The following ATOH8 variants were observed in gnomAD, a reference collection of about 807,000 sequenced individuals.
The protein encoded by ATOH8 is transcription factor ATOH8.
ATOH8 carries 9 observed loss-of-function variants against 21.2 expected under a neutral mutation model. The observed-to-expected ratio is 0.42, with a 90% CI of 0.26 to 0.74. ATOH8 has a LOEUF of 0.74. Among genes scored for constraint, ATOH8 ranks in the 30% least tolerant of loss-of-function variants. The probability of loss-of-function intolerance (pLI) is 0.24; values close to 1 mark genes in which losing one functional copy is unlikely to be tolerated. For missense variants in ATOH8, 524 were observed against 470.9 expected (o/e 1.11, Z -1.04); for synonymous variants, 253 against 224.0 (o/e 1.13, Z -1.16).
intron 1 of ATOH8, among the ~76,000 whole-genome samples, chr2:85,755,651 G>A (rs899117742): frequency 6.6e-6 from 1 of 152,168 alleles, no homozygotes; most frequent in African/African-American, 2.4e-5. Flanking sequence ...CCTAGTTCTG[G>A]GGTGGGTCCG....
chr2:85,762,000 C>T (rs1290198491), intron 1 of ATOH8, among the ~76,000 whole-genome samples: 1 of 151,846 alleles, frequency 6.6e-6, no homozygotes, highest in Non-Finnish European at 1.5e-5. Flanking sequence ...CTAGTCTCAG[C>T]ACCCCCAGAG....
chr2:85,759,901 T>C (rs1377438735), intron 1 of ATOH8, among the ~76,000 whole-genome samples: 1 of 152,030 alleles, frequency 6.6e-6, no homozygotes, highest in Non-Finnish European at 1.5e-5. Context: ...TCTGGTGGGT[T>C]CTCGGAGTTG....
intron 2 of ATOH8, among the ~76,000 whole-genome samples, chr2:85,777,070 T>C (rs1680348132): frequency 6.6e-6 from 1 of 152,080 alleles, no homozygotes; most frequent in Non-Finnish European, 1.5e-5. Context: ...GGCCCTGCCC[T>C]GCACATCTAC....
chr2:85,781,342 G>A (rs190154674), intron 2 of ATOH8, among the ~76,000 whole-genome samples: 6 of 151,982 alleles, frequency 3.9e-5, no homozygotes, highest in Admixed American at 1.3e-4. Context: ...TGAGGTGGGC[G>A]GATCACTTGA....
intron 2 of ATOH8, among the ~76,000 whole-genome samples, chr2:85,765,962 G>A (rs532077605): frequency 1.3e-5 from 2 of 152,254 alleles, no homozygotes; most frequent in Non-Finnish European, 2.9e-5. Flanking sequence ...CTTTACCTGA[G>A]GCTACAGATT....
chr2:85,754,140 G>A lies in ATOH8; in HGVS notation c.-50G>A, dbSNP rs1679586308. The A allele has an allele frequency of 2.8e-6, 4 of 1,424,610 alleles. No homozygotes were observed. Among genetic ancestry groups the A allele is most frequent in the Non-Finnish European group, 3.6e-6 (4 of 1,096,496 alleles). 88.2% of individuals were successfully genotyped at this position (1,424,610 alleles called of 1,614,324 possible). A position where few individuals can be genotyped will look rare whatever the true frequency, so the allele number is the denominator to read the frequency against. On this transcript the variant is annotated 5_prime_UTR_variant, in exon 1 of 3. Transcript: ENST00000306279. ...CCAGAGACTCCTCGGCGCTGAGCGC[G>A]GCGGCGGCCCGGGCAGCCCCACGCC...
At chr2:85,764,357 G>GGA (rs1679949265) in intron 2 of ATOH8, among the ~76,000 whole-genome samples, 175 bp downstream of exon 2, 1 of 152,230 alleles carries the variant, frequency 6.6e-6, no homozygotes, top group Non-Finnish European at 1.5e-5. Context: ...GGGATTATAG[G>GGA]TGTGTCTCTA....
intron 1 of ATOH8, among the ~76,000 whole-genome samples, chr2:85,756,610 C>T (rs1333347613): frequency 6.6e-6 from 1 of 152,178 alleles, no homozygotes; most frequent in Non-Finnish European, 1.5e-5. Flanking sequence ...TGCCCACTGA[C>T]TTTTACTTCA....
At chr2:85,765,623 G>T (rs1262370900) in intron 2 of ATOH8, among the ~76,000 whole-genome samples, 1 of 152,174 alleles carries the variant, frequency 6.6e-6, no homozygotes, top group Non-Finnish European at 1.5e-5. Context: ...ACTTCCCCTG[G>T]CATTCAGGCG....
chr2:85,767,580 T>TCCTCC (rs1558611965), intron 2 of ATOH8, among the ~76,000 whole-genome samples: 2 of 79,288 alleles, frequency 2.5e-5, no homozygotes, highest in Admixed American at 1.4e-4. Flanking sequence ...CCCTCCCCTC[T>TCCTCC]CCTTCCCTTC....
At chr2:85,764,617 C>G (rs1003082343) in intron 2 of ATOH8, among the ~76,000 whole-genome samples, 1 of 152,220 alleles carries the variant, frequency 6.6e-6, no homozygotes, top group East Asian at 1.9e-4. Flanking sequence ...TGTGGGTTAT[C>G]TGAGGCTATG....
chr2:85,772,494 G>A (rs1256786591), intron 2 of ATOH8: 10 of 348,196 alleles, frequency 2.9e-5, no homozygotes, highest in Non-Finnish European at 5.0e-5. Flanking sequence ...GCAGAGGGCA[G>A]GGAAAGCACG....
chr2:85,754,166 C>T lies in ATOH8; in HGVS notation c.-24C>T. 1 of 1,531,036 alleles carries T rather than the reference C, an allele frequency of 6.5e-7. No homozygotes were observed. The highest frequency in any genetic ancestry group is 8.8e-7 in the Non-Finnish European group (1 of 1,142,824). 94.8% of individuals were successfully genotyped at this position (1,531,036 alleles called of 1,614,324 possible). A position where few individuals can be genotyped will look rare whatever the true frequency, so the allele number is the denominator to read the frequency against. On this transcript the variant is annotated 5_prime_UTR_variant, in exon 1 of 3. Transcript: ENST00000306279. ...GCGGCGGCCCGGGCAGCCCCACGCCCCTGCCTCGCGCGCCGCCCGCGCCAT... is the reference window on the plus strand; with the variant it reads ...GCGGCGGCCCGGGCAGCCCCACGCCTCTGCCTCGCGCGCCGCCCGCGCCAT...
At chr2:85,776,099 C>G (rs1345643433) in intron 2 of ATOH8, among the ~76,000 whole-genome samples, 1 of 152,240 alleles carries the variant, frequency 6.6e-6, no homozygotes, top group Non-Finnish European at 1.5e-5. Context: ...AATCCTAGAA[C>G]AAGCTCCTGG....
At position 85,762,652 on chromosome 2, in the gene ATOH8, A is replaced by AGGTT. The variant is rs138502008; in HGVS notation, c.769-1338_769-1335dup. On this transcript the variant is annotated intron_variant, in intron 1 of 2. Coordinates refer to ENST00000306279, the MANE Select transcript of ATOH8 (RefSeq NM_032827.7). ...TCAGGGAAAGTTCTTGGACACAGTG[A>AGGTT]GGTTTAAAGTGAGATCAAAGTGGGC... Among the ~76,000 whole-genome samples, 1,456 of 152,254 alleles carry AGGTT rather than the reference A, an allele frequency of 9.6e-3. 26 individuals carry two copies. The highest frequency in any genetic ancestry group is 0.033 in the African/African-American group (1,384 of 41,536).
In ATOH8 at chr2:85,754,795, C is replaced by A; in HGVS notation, c.606C>A (p.Asn202Lys). 6.2e-7 allele frequency: 1 copy of A among 1,612,982 alleles called. No individual in the cohort carries two copies. The highest frequency in any genetic ancestry group is 8.5e-7 in the Non-Finnish European group (1 of 1,179,898). Residue 202 changes from asparagine to lysine, a missense_variant, in exon 1 of 3, where the codon AAC becomes AAA. Physicochemically the swap from Asn to Lys is moderately conservative, Grantham distance 94 (BLOSUM62 0). Transcript: ENST00000306279. ...CAATTTCACACGTAATTTACAATAA[C>A]CACCAGGATTCCTCCGCGTCGCCTA... ...YSSISHVIYN[N>K]HQDSSASPRK...
Position 85,754,080 on chromosome 2 carries a change from A to AGAGAGGGAGG in ATOH8, c.-108_-99dup. The AGAGAGGGAGG allele has an allele frequency of 8.1e-7, 1 of 1,235,016 alleles. No individual in the cohort carries two copies. Among genetic ancestry groups the AGAGAGGGAGG allele is most frequent in the Non-Finnish European group, 1.0e-6 (1 of 963,658 alleles). 76.5% of individuals were successfully genotyped at this position (1,235,016 alleles called of 1,614,324 possible). ...TGCCCGGGGCGAGGGGGAGAAAGGG[A>AGAGAGGGAGG]GAGAGGGAGGGGGAGGGCGGGCGAA... is the stretch of plus-strand genomic sequence containing the variant. On this transcript the variant is annotated 5_prime_UTR_variant, in exon 1 of 3. Transcript: ENST00000306279.
At position 85,754,204 on chromosome 2, in the gene ATOH8, G is replaced by C. The variant is rs373548607; in HGVS notation, c.15G>C (p.Pro5=). 2.5e-6 allele frequency: 4 copies of C among 1,595,482 alleles called. No individual in the cohort carries two copies. In the Admixed American group the frequency reaches 6.8e-5, roughly 27 times the overall value. ...CCGCCCGCGCCATGAAGCACATCCC[G>C]GTCCTCGAGGACGGGCCGTGGAAGA... is the stretch of plus-strand genomic sequence containing the variant. MKHI[P]VLEDGPWKTV... is the part of the protein sequence containing the mutation. The change falls in exon 1 of 3, where the codon CCG becomes CCC. Residue 5 remains proline, a synonymous_variant. Coordinates refer to ENST00000306279, the MANE Select transcript of ATOH8 (RefSeq NM_032827.7).
intron 1 of ATOH8, among the ~76,000 whole-genome samples, chr2:85,755,802 G>C (rs1459368581): frequency 6.6e-6 from 1 of 152,146 alleles, no homozygotes; most frequent in East Asian, 1.9e-4. Context: ...TATTTTCTTA[G>C]CGAGAAGGAG....
Sources: gnomAD v4.1 joint callset for allele counts (sites outside exome capture counted in the v4.1 genomes callset) on GRCh38, gnomAD v4.1.1 for gene constraint, MANE v1.5 for transcripts, NCBI Gene and HGNC (gene_info 2026-07-23, HGNC 2026-07-21) for gene names.